Variants in KMT2C observed in about 807,000 individuals in gnomAD.
KMT2C encodes the protein histone-lysine N-methyltransferase 2C.
A neutral mutation model predicts 507.9 loss-of-function variants in KMT2C; 88 were observed. The observed-to-expected ratio is 0.17, with a 90% CI of 0.15 to 0.21. The LOEUF (loss-of-function observed/expected upper bound fraction) is 0.21. Among genes scored for constraint, KMT2C ranks in the 10% least tolerant of loss-of-function variants. KMT2C has a pLI of 1.00. For missense variants in KMT2C, 4,954 were observed against 5,957.8 expected (o/e 0.83, Z 5.55); for synonymous variants, 2,049 against 2,080.8 (o/e 0.98, Z 0.42).
At chr7:152,313,236 G>T (rs1340243290) in intron 4 of KMT2C, among the ~76,000 whole-genome samples, 1 of 150,944 alleles carries the variant, frequency 6.6e-6, no homozygotes, top group Admixed American at 6.6e-5. Context: ...TATTTTATTG[G>T]GAGAAAAAAA....
At chr7:152,341,175 A>G (rs922935800) in intron 2 of KMT2C, among the ~76,000 whole-genome samples, 1 of 152,214 alleles carries the variant, frequency 6.6e-6, no homozygotes, top group Non-Finnish European at 1.5e-5. Flanking sequence ...AGACCAGCCC[A>G]GGTGTCACCT....
At chr7:152,411,132 T>C (rs1301442690) in intron 1 of KMT2C, among the ~76,000 whole-genome samples, 10 of 152,156 alleles carry the variant, frequency 6.6e-5, no homozygotes, top group Middle Eastern at 6.8e-3. Flanking sequence ...ATAAATACAA[T>C]AGTTCATTTT....
At chr7:152,192,963 C>A (rs970056734) in intron 31 of KMT2C, among the ~76,000 whole-genome samples, 2 of 152,074 alleles carry the variant, frequency 1.3e-5, no homozygotes, top group African/African-American at 4.8e-5. Flanking sequence ...CACTTGAACC[C>A]AGGAGTTCTA....
At chr7:152,337,436 C>A (rs1481133516) in intron 2 of KMT2C, among the ~76,000 whole-genome samples, 2 of 152,186 alleles carry the variant, frequency 1.3e-5, no homozygotes, top group East Asian at 3.8e-4. Context: ...AAGTTCATAA[C>A]ATACCCTCTT....
chr7:152,174,361 A>G (rs991560419), intron 38 of KMT2C, 119 bp from the exon 39 acceptor site: 4 of 578,694 alleles, frequency 6.9e-6, no homozygotes, highest in African/African-American at 5.8e-5. Context: ...CAGATTTCTG[A>G]GATGGCAACC....
At chr7:152,369,994 C>A (rs992731153) in intron 1 of KMT2C, among the ~76,000 whole-genome samples, 1 of 152,082 alleles carries the variant, frequency 6.6e-6, no homozygotes. Flanking sequence ...GAGATCGAGA[C>A]CATCCTGGCT....
At chr7:152,424,185 C>T (rs531074831) in intron 1 of KMT2C, among the ~76,000 whole-genome samples, 1 of 152,216 alleles carries the variant, frequency 6.6e-6, no homozygotes, top group African/African-American at 2.4e-5. Flanking sequence ...AGGATCATAG[C>T]TCACTGCAGC....
intron 1 of KMT2C, among the ~76,000 whole-genome samples, chr7:152,434,926 T>C (rs1424463589): frequency 6.6e-6 from 1 of 151,930 alleles, no homozygotes; most frequent in Non-Finnish European, 1.5e-5. Flanking sequence ...GCTGGCTACG[T>C]CTCCAAAACT....
chr7:152,174,175 C>T lies in KMT2C; in HGVS notation c.9330G>A (p.Val3110=), dbSNP rs1362187856. Residue 3110 remains valine, a synonymous_variant, in exon 39 of 59, where the codon GTG becomes GTA. Coordinates refer to ENST00000262189, the MANE Select transcript of KMT2C (RefSeq NM_170606.3). ...GCATGCCCAGATTGTTTTGTGCCAT[C>T]ACTTTATTTATACCTTTAAGGGCCA... is the stretch of plus-strand genomic sequence containing the variant. ...KMVALKGINK[V]MAQNNLGMPP... 1 of 1,610,982 alleles carries T rather than the reference C, an allele frequency of 6.2e-7. No homozygotes were observed. Among genetic ancestry groups the T allele is most frequent in the Admixed American group, 1.7e-5 (1 of 59,578 alleles).
intron 6 of KMT2C, among the ~76,000 whole-genome samples, chr7:152,281,474 G>GT (rs1296885751): frequency 9.9e-5 from 15 of 152,218 alleles, no homozygotes; most frequent in Non-Finnish European, 2.2e-4. Flanking sequence ...GCTCACGCAT[G>GT]TAATCCCAAC....
chr7:152,182,916 C>T, intron 35 of KMT2C, 58 bp downstream of exon 35: 8 of 1,235,258 alleles, frequency 6.5e-6, no homozygotes, highest in Non-Finnish European at 9.0e-6. Context: ...ATGCAAAGAC[C>T]TCCCTTCTCA....
chr7:152,164,002 C>A (rs1344459106), intron 42 of KMT2C, among the ~76,000 whole-genome samples, 176 bp from the exon 43 acceptor site: 2 of 152,124 alleles, frequency 1.3e-5, no homozygotes. Flanking sequence ...TAAGCCTTAA[C>A]TAACAACTGT....
chr7:152,182,851 C>A, intron 35 of KMT2C, 123 bp downstream of exon 35: 1 of 714,504 alleles, frequency 1.4e-6, no homozygotes, highest in Non-Finnish European at 2.2e-6. Flanking sequence ...AAAAGAGAAA[C>A]AAGTCTATCC....
chr7:152,152,795 C>A lies in KMT2C; in HGVS notation c.12436G>T (p.Gly4146Trp), dbSNP rs2091739654. ...LEYRQHLLLR[G>W]PPPGSANPPR... ...GGGTTTGCAGATCCTGGCGGAGGCC[C>A]ACGGAGAAGTAAATGCTGTCGATAC... Residue 4146 changes from glycine to tryptophan, a missense_variant, in exon 49 of 59, where the codon GGG becomes TGG. Around this residue, in one of 29 missense-constraint regions of KMT2C, gnomAD observed 417 missense variants for 461.1 expected, o/e 0.90. Coordinates refer to ENST00000262189, the MANE Select transcript of KMT2C (RefSeq NM_170606.3). The A allele has an allele frequency of 6.2e-7, 1 of 1,614,140 alleles. No homozygotes were observed. The highest frequency in any genetic ancestry group is 8.5e-7 in the Non-Finnish European group (1 of 1,180,030).
chr7:152,166,863 C>T (rs2092753099), intron 42 of KMT2C, among the ~76,000 whole-genome samples: 1 of 152,130 alleles, frequency 6.6e-6, no homozygotes, highest in Admixed American at 6.5e-5. Flanking sequence ...TCCAACTATA[C>T]CAAAGTTGAA....
At chr7:152,284,306 C>T (rs939583023) in intron 6 of KMT2C, among the ~76,000 whole-genome samples, 11 of 151,992 alleles carry the variant, frequency 7.2e-5, no homozygotes, top group Non-Finnish European at 1.3e-4. Flanking sequence ...CTCACTTTTC[C>T]ATATTCAATT....
At chr7:152,301,682 C>G (rs773414102) in intron 6 of KMT2C, among the ~76,000 whole-genome samples, 9 of 151,940 alleles carry the variant, frequency 5.9e-5, no homozygotes, top group Non-Finnish European at 1.2e-4. Flanking sequence ...GATGCTATCT[C>G]TTAAAAACAG....
chr7:152,421,972 A>G (rs964929060), intron 1 of KMT2C, among the ~76,000 whole-genome samples: 4 of 152,228 alleles, frequency 2.6e-5, no homozygotes, highest in African/African-American at 9.6e-5. Context: ...GGACATTTTT[A>G]AAGAGAATAG....
chr7:152,226,219 C>CTTTTTTTTTTTTTTTT (rs869076803), intron 18 of KMT2C, among the ~76,000 whole-genome samples: 35 of 94,942 alleles, frequency 3.7e-4, no homozygotes, highest in African/African-American at 8.3e-4. Flanking sequence ...ATTACAAGGC[C>CTTTTTTTTTTTTTTTT]TTTTTTTTTT....
Sources: allele counts gnomAD v4.1 joint callset (sites outside exome capture counted in the v4.1 genomes callset), GRCh38; gene constraint gnomAD v4.1.1; regional missense constraint gnomAD v4.1.1; transcripts MANE v1.5; gene names NCBI Gene and HGNC (gene_info 2026-07-23, HGNC 2026-07-21).